Variants in HEBP2 observed in about 807,000 individuals in gnomAD.
HEBP2 encodes heme-binding protein 2.
HEBP2 carries 27 observed loss-of-function variants against 23.1 expected under a neutral mutation model. The observed-to-expected ratio is 1.17, with a 90% confidence interval of 0.86 to 1.61. The LOEUF is 1.61. HEBP2 is among the 40% of genes most tolerant of loss of function. The pLI, the probability that HEBP2 is intolerant of heterozygous loss-of-function variation, is 0.00. For missense variants in HEBP2, 245 were observed against 253.8 expected (o/e 0.97, Z 0.24); for synonymous variants, 99 against 95.1 (o/e 1.04, Z -0.24).
At position 138,413,178 on chromosome 6, in the gene HEBP2, GAGAGTACTACTATTA is replaced by G. The variant is rs1262708758; in HGVS notation, c.*102_*116del. 2.6e-5 allele frequency: 22 copies of G among 851,846 alleles called. No individual in the cohort carries two copies. The highest frequency in any genetic ancestry group is 2.6e-4 in the African/African-American group (15 of 58,818). The allele number at this position is 851,846 out of a possible 1,614,324, so 52.8% of individuals were successfully genotyped here. Reference sequence around the variant, plus strand: ...AAGTGCGTGTCTAGTGTCTTCTATTGAGAGTACTACTATTAATTAAGCTTATTTCCAATGTGCCTT... The same window carrying G: ...AAGTGCGTGTCTAGTGTCTTCTATTGATTAAGCTTATTTCCAATGTGCCTT... On this transcript the variant is annotated 3_prime_UTR_variant, in exon 4 of 4. Coordinates refer to ENST00000607197, the MANE Select transcript of HEBP2 (RefSeq NM_014320.3).
At chr6:138,409,815 G>A (rs1188873359) in intron 3 of HEBP2, among the ~76,000 whole-genome samples, 1 of 152,174 alleles carries the variant, frequency 6.6e-6, no homozygotes, top group East Asian at 1.9e-4. Flanking sequence ...CACCCTTCAT[G>A]TAACATGCCA....
intron 1 of HEBP2, 41 bp downstream of exon 1, chr6:138,404,638 C>A (rs1312853707): frequency 1.6e-6 from 2 of 1,222,040 alleles, no homozygotes; most frequent in Non-Finnish European, 1.0e-6. Context: ...GGCCCGCCTT[C>A]CGGCTGATTT....
intron 3 of HEBP2, among the ~76,000 whole-genome samples, chr6:138,408,971 G>C (rs968398576): frequency 6.6e-6 from 1 of 151,940 alleles, no homozygotes; most frequent in Non-Finnish European, 1.5e-5. Flanking sequence ...CCACATCTCT[G>C]ATCTTATAGT....
intron 3 of HEBP2, among the ~76,000 whole-genome samples, chr6:138,410,692 G>A (rs560194991): frequency 3.3e-5 from 5 of 151,982 alleles, no homozygotes; most frequent in Non-Finnish European, 7.4e-5. Context: ...CACCATCTTG[G>A]CCAGGCTGGT....
At chr6:138,407,093 C>T (rs1774658451) in intron 3 of HEBP2, among the ~76,000 whole-genome samples, 2 of 152,282 alleles carry the variant, frequency 1.3e-5, no homozygotes, top group South Asian at 4.1e-4. Context: ...GCATTCTGCC[C>T]TGATCCTGTA....
chr6:138,403,678 A>C, upstream of HEBP2: 1 of 420,254 alleles, frequency 2.4e-6, no homozygotes, highest in East Asian at 3.6e-5. Context: ...GCCGCACCCC[A>C]CTCGGCTCGG....
chr6:138,405,274 G>A lies in HEBP2; in HGVS notation c.232G>A (p.Glu78Lys). 6.2e-7 allele frequency: 1 copy of A among 1,614,108 alleles called. No homozygotes were observed. Among genetic ancestry groups the A allele is most frequent in the Non-Finnish European group, 8.5e-7 (1 of 1,179,996 alleles). The stretch of plus-strand genomic sequence containing the variant: ...GAACAGCTACATTCAAGGCAAAAAC[G>A]AGAAAGGTAAAAGCAGTTTTCCTTG... ...KLNSYIQGKN[E>K]KEMKIKMTAP... Residue 78 changes from glutamate to lysine, a missense_variant, in exon 2 of 4, where the codon GAG becomes AAG. Glu to Lys is a moderately conservative substitution (Grantham distance 56, BLOSUM62 1). Coordinates refer to ENST00000607197, the MANE Select transcript of HEBP2 (RefSeq NM_014320.3).
intron 2 of HEBP2, 113 bp downstream of exon 2, chr6:138,405,393 T>A: frequency 7.5e-7 from 1 of 1,342,264 alleles, no homozygotes; most frequent in South Asian, 1.3e-5. Flanking sequence ...AAGCAAGTCA[T>A]CAAAGACTTG....
intron 3 of HEBP2, among the ~76,000 whole-genome samples, chr6:138,407,257 C>G (rs997766450): frequency 6.6e-6 from 1 of 152,190 alleles, no homozygotes; most frequent in Non-Finnish European, 1.5e-5. Flanking sequence ...CGATTCCCCT[C>G]CATCTATGAA....
rs1774813841 is a variant in HEBP2 at position 138,414,776 on chromosome 6, A to G, written c.*1698A>G. ...GTGGTGGTATAAGACCTAGCCATTT[A>G]GGCCAGGTGCAGTGGCTCACAGCTG... On this transcript the variant is annotated 3_prime_UTR_variant, in exon 4 of 4. Coordinates refer to ENST00000607197, the MANE Select transcript of HEBP2 (RefSeq NM_014320.3). The G allele has an allele frequency of 6.6e-6, 1 of 152,238 alleles. No individual in the cohort carries two copies. Among genetic ancestry groups the G allele is most frequent in the South Asian group, 2.1e-4 (1 of 4,830 alleles). 9.4% of individuals were successfully genotyped at this position (152,238 alleles called of 1,614,324 possible).
Position 138,408,069 on chromosome 6 carries a change from G to T in HEBP2, c.419+1918G>T, listed in dbSNP as rs138259302. Among the ~76,000 whole-genome samples the T allele has an allele frequency of 1.1e-4, 17 of 152,304 alleles. No individual in the cohort carries two copies. The East Asian group carries it at 2.9e-3, about 26-fold the overall frequency. ...GCTCATAATTTCTAAAATGCCTTTG[G>T]CATCGTTCTTCCATTATGCTGGAGA... On this transcript the variant is annotated intron_variant, in intron 3 of 3. Transcript: ENST00000607197.
At chr6:138,407,627 C>T (rs999537392) in intron 3 of HEBP2, among the ~76,000 whole-genome samples, 3 of 152,330 alleles carry the variant, frequency 2.0e-5, no homozygotes, top group East Asian at 1.9e-4. Context: ...CTGGTGTGCC[C>T]GGCTCCCATG....
In HEBP2 at chr6:138,421,926, C is replaced by G. The variant is rs1255135477; in HGVS notation, c.*8848C>G. 1.3e-5 allele frequency: 2 copies of G among 152,134 alleles called. No individual in the cohort carries two copies. The highest frequency in any genetic ancestry group is 2.4e-5 in the African/African-American group (1 of 41,390). 9.4% of individuals were successfully genotyped at this position (152,134 alleles called of 1,614,324 possible). On this transcript the variant is annotated 3_prime_UTR_variant, in exon 4 of 4. Transcript: ENST00000607197. ...GGTTGTCACCTCCCCCAGAGACCTT[C>G]TGGTCTCACTGCTTTTCTGTTTGTA...
chr6:138,416,868 T>G lies in HEBP2; in HGVS notation c.*3790T>G, dbSNP rs957785245. On this transcript the variant is annotated 3_prime_UTR_variant, in exon 4 of 4. Coordinates refer to ENST00000607197, the MANE Select transcript of HEBP2 (RefSeq NM_014320.3). ...AAACAAAAACATGATTCCTTGCCAG[T>G]TTCTAGTTCAGTTTTCTGACCTAGA... The G allele has an allele frequency of 6.6e-6, 1 of 152,240 alleles. No homozygotes were observed. The highest frequency in any genetic ancestry group is 2.4e-5 in the African/African-American group (1 of 41,444). 9.4% of individuals were successfully genotyped at this position (152,240 alleles called of 1,614,324 possible).
upstream of HEBP2, chr6:138,404,166 A>T: frequency 4.2e-6 from 1 of 239,140 alleles, no homozygotes; most frequent in Non-Finnish European, 7.7e-6. Flanking sequence ...TCAAAAACAA[A>T]GGCGGGGCGG....
In HEBP2 at chr6:138,418,965, C is replaced by G. The variant is rs1452120609; in HGVS notation, c.*5887C>G. The G allele has an allele frequency of 1.3e-5, 2 of 151,962 alleles. No individual in the cohort carries two copies. The highest frequency in any genetic ancestry group is 3.9e-4 in the East Asian group (2 of 5,188). 9.4% of individuals were successfully genotyped at this position (151,962 alleles called of 1,614,324 possible). On this transcript the variant is annotated 3_prime_UTR_variant, in exon 4 of 4. Coordinates refer to ENST00000607197, the MANE Select transcript of HEBP2 (RefSeq NM_014320.3). ...TGGATTAGGAGGTCTGGGGTAGAGG[C>G]ATGTGGATGGGCATATGGAGTGAAC...
rs1199390239 is a variant in HEBP2 at position 138,419,772 on chromosome 6, A to G, written c.*6694A>G. ...GTGACCCCACTTACCATCGCACCCA[A>G]CGAACCACTGAGGGACTTAGTACTT... is the stretch of plus-strand genomic sequence containing the variant. On this transcript the variant is annotated 3_prime_UTR_variant, in exon 4 of 4. Transcript: ENST00000607197. 3 of 152,216 alleles carry G rather than the reference A, an allele frequency of 2.0e-5. No homozygotes were observed. Among genetic ancestry groups the G allele is most frequent in the East Asian group, 3.8e-4 (2 of 5,202 alleles). The allele number at this position is 152,216 out of a possible 1,614,324, so 9.4% of individuals were successfully genotyped here. A position where few individuals can be genotyped will look rare whatever the true frequency, so the allele number is the denominator to read the frequency against.
rs184313809 is a variant in HEBP2, at chr6:138,421,485, C to G, written c.*8407C>G. The G allele has an allele frequency of 2.0e-5, 3 of 152,226 alleles. No homozygotes were observed. The highest frequency in any genetic ancestry group is 7.2e-5 in the African/African-American group (3 of 41,530). The allele number at this position is 152,226 out of a possible 1,614,324, so 9.4% of individuals were successfully genotyped here. On this transcript the variant is annotated 3_prime_UTR_variant, in exon 4 of 4. Coordinates refer to ENST00000607197, the MANE Select transcript of HEBP2 (RefSeq NM_014320.3). Reference sequence around the variant, plus strand: ...ATTGAGGTTGTTTCCAACTGACAGACCAAGCAGTAATTTGTTTCTCTCCCC... The same window carrying G: ...ATTGAGGTTGTTTCCAACTGACAGAGCAAGCAGTAATTTGTTTCTCTCCCC...
Position 138,412,993 on chromosome 6 carries a change from G to T in HEBP2, c.533G>T (p.Gly178Val), listed in dbSNP as rs142649597. 1.2e-6 allele frequency: 2 copies of T among 1,613,836 alleles called. No homozygotes were observed. The highest frequency in any genetic ancestry group is 2.7e-5 in the African/African-American group (2 of 74,910). ...GATGAGAAGGTTTACTACACTGCAGGCTACAACAGTCCTGTCAAATTGCTT... is the reference window on the plus strand; with the variant it reads ...GATGAGAAGGTTTACTACACTGCAGTCTACAACAGTCCTGTCAAATTGCTT... ...VFDEKVYYTA[G>V]YNSPVKLLNR... The change falls in exon 4 of 4, where the codon GGC becomes GTC. Residue 178 changes from glycine to valine, a missense_variant. By Grantham distance (109) the Gly-to-Val change is moderately radical. Coordinates refer to ENST00000607197, the MANE Select transcript of HEBP2 (RefSeq NM_014320.3).
Sources: gnomAD v4.1 joint callset for allele counts (sites outside exome capture counted in the v4.1 genomes callset) on GRCh38, gnomAD v4.1.1 for gene constraint, MANE v1.5 for transcripts, NCBI Gene and HGNC (gene_info 2026-07-23, HGNC 2026-07-21) for gene names.